Variants in ZNF728 observed in about 807,000 individuals in gnomAD.
ZNF728 encodes the protein zinc finger protein 728.
A neutral mutation model predicts 12.5 loss-of-function variants in ZNF728; 12 were observed. The ratio of observed to expected loss-of-function variants is 0.96; its 90% CI spans 0.61 to 1.55. ZNF728 has a LOEUF of 1.55. Ranked by LOEUF, ZNF728 falls within the 40% of genes most tolerant of loss-of-function variation. The pLI is 0.00. For missense variants in ZNF728, 692 were observed against 719.2 expected (o/e 0.96, Z 0.43); for synonymous variants, 205 against 240.7 (o/e 0.85, Z 1.37).
intron 3 of ZNF728, chr19:22,985,630 G>A (rs1968908320): frequency 6.6e-6 from 1 of 152,144 alleles, no homozygotes; most frequent in Non-Finnish European, 1.5e-5. Context: ...ACCCAACTTG[G>A]TCCCACTGAA....
chr19:23,000,053 T>C (rs1267443695), intron 1 of ZNF728, among the ~76,000 whole-genome samples: 2 of 152,120 alleles, frequency 1.3e-5, no homozygotes, highest in Non-Finnish European at 2.9e-5. Flanking sequence ...GGAATTCTGT[T>C]TGAAATCATT....
intron 3 of ZNF728, among the ~76,000 whole-genome samples, chr19:22,981,471 T>C (rs1299886040): frequency 6.6e-6 from 1 of 152,240 alleles, no homozygotes; most frequent in Non-Finnish European, 1.5e-5. Flanking sequence ...CTGATCCTAT[T>C]CTTTCTGAAA....
In ZNF728 at chr19:22,975,664, T is replaced by C. The variant is rs1319774644; in HGVS notation, c.1673A>G (p.His558Arg). 2.5e-6 allele frequency: 4 copies of C among 1,612,162 alleles called. No individual in the cohort carries two copies. Among genetic ancestry groups the C allele is most frequent in the African/African-American group, 1.3e-5 (1 of 75,044 alleles). The change falls in exon 4 of 4, where the codon CAT (histidine) becomes CGT (arginine). Residue 558 changes from histidine (H) to arginine (R), a missense_variant. His to Arg is a conservative substitution (Grantham distance 29). Around this residue, in one of 3 missense-constraint regions of ZNF728, gnomAD observed 244 missense variants for 235.2 expected, o/e 1.04. Coordinates refer to ENST00000594710, the MANE Select transcript of ZNF728 (RefSeq NM_001267716.2). ...ACATTTGTAGGGTTTCTCTCCAGTA[T>C]GAATTCTCTTATGTTCACTAAGTCT... is the stretch of plus-strand genomic sequence containing the variant. ...SSRLSEHKRI[H>R]TGEKPYKCEE...
chr19:22,986,239 GCTT>G (rs1968915577), intron 3 of ZNF728, among the ~76,000 whole-genome samples: 1 of 152,074 alleles, frequency 6.6e-6, no homozygotes, highest in African/African-American at 2.4e-5. Context: ...CATTGTCAAT[GCTT>G]CTATTTTAAC....
Position 22,987,358 on chromosome 19 carries a change from C to T in ZNF728, c.176G>A (p.Gly59Glu). ...TCTCTTCATATTCCAGGGCTCTTTT[C>T]CTTGCTCCAGAAAAATGATCAGGTC... ...KPDLIIFLEQ[G>E]KEPWNMKRHE... Residue 59 changes from glycine (G) to glutamate (E), a missense_variant, in exon 3 of 4, where the codon GGA becomes GAA. Physicochemically the swap from Gly to Glu is moderately conservative, Grantham distance 98 (BLOSUM62 -2). This residue lies in a region of ZNF728 where 440 missense variants were observed against 459.6 expected (regional missense o/e 0.96). Transcript: ENST00000594710. 6.2e-7 allele frequency: 1 copy of T among 1,612,286 alleles called. No individual in the cohort carries two copies. The highest frequency in any genetic ancestry group is 8.5e-7 in the Non-Finnish European group (1 of 1,179,192).
intron 1 of ZNF728, among the ~76,000 whole-genome samples, chr19:22,989,298 C>T (rs898355336): frequency 6.6e-6 from 1 of 151,534 alleles, no homozygotes; most frequent in Admixed American, 6.6e-5. Context: ...ATGGTTTTGG[C>T]CCAAAAAGAC....
intron 1 of ZNF728, among the ~76,000 whole-genome samples, chr19:22,997,632 G>A (rs542583057): frequency 2.6e-4 from 39 of 151,276 alleles, no homozygotes; most frequent in Non-Finnish European, 4.6e-4. Flanking sequence ...CCCTAAGCTA[G>A]CAAAGGCAAG....
intron 3 of ZNF728, among the ~76,000 whole-genome samples, chr19:22,978,140 A>G (rs1183505036): frequency 6.6e-6 from 1 of 152,036 alleles, no homozygotes; most frequent in Non-Finnish European, 1.5e-5. Context: ...TTTATAACAA[A>G]AACATATTTA....
intron 1 of ZNF728, among the ~76,000 whole-genome samples, chr19:22,998,317 T>G (rs1344612908): frequency 6.6e-6 from 1 of 150,724 alleles, no homozygotes; most frequent in African/African-American, 2.5e-5. Context: ...CTCAGGAGTT[T>G]GAGACCGGCA....
intron 1 of ZNF728, among the ~76,000 whole-genome samples, chr19:23,001,176 T>C (rs1321557008): frequency 6.6e-6 from 1 of 152,226 alleles, no homozygotes; most frequent in Non-Finnish European, 1.5e-5. Context: ...TTTACCATTT[T>C]TATTTCACTA....
At chr19:22,983,911 G>A (rs138841160) in intron 3 of ZNF728, among the ~76,000 whole-genome samples, 182 of 152,148 alleles carry the variant, frequency 1.2e-3, no homozygotes, top group African/African-American at 4.1e-3. Context: ...TGTAGATAAC[G>A]GGTTGATGGG....
intron 3 of ZNF728, among the ~76,000 whole-genome samples, chr19:22,984,518 C>T (rs966065185): frequency 1.4e-5 from 2 of 145,768 alleles, no homozygotes; most frequent in African/African-American, 2.6e-5. Flanking sequence ...AAGATTGTGC[C>T]GCTACACTCC....
At chr19:22,984,495 G>A (rs567790032) in intron 3 of ZNF728, among the ~76,000 whole-genome samples, 2 of 149,144 alleles carry the variant, frequency 1.3e-5, no homozygotes, top group East Asian at 4.0e-4. Flanking sequence ...GGAGGCAGAG[G>A]TTGCAGTGAG....
At chr19:22,984,929 G>C (rs1443834313) in intron 3 of ZNF728, among the ~76,000 whole-genome samples, 1 of 151,938 alleles carries the variant, frequency 6.6e-6, no homozygotes, top group Non-Finnish European at 1.5e-5. Flanking sequence ...CTGGTATAAG[G>C]ATGAAAAATT....
At chr19:22,998,423 G>T (rs1969072226) in intron 1 of ZNF728, among the ~76,000 whole-genome samples, 1 of 151,974 alleles carries the variant, frequency 6.6e-6, no homozygotes, top group African/African-American at 2.4e-5. Flanking sequence ...TTAGCTACTT[G>T]GGAAGCTTAA....
chr19:22,975,680 C>A lies in ZNF728; in HGVS notation c.1657G>T (p.Glu553Ter). Residue 553 changes from glutamate (E) to a stop codon, truncating the protein, a stop_gained, in exon 4 of 4, where the codon GAA becomes TAA. Coordinates refer to ENST00000594710, the MANE Select transcript of ZNF728 (RefSeq NM_001267716.2). LOFTEE classifies it low-confidence loss of function (END_TRUNC). The part of the protein sequence containing the change: ...KAFIWSSRLS[E>*]HKRIHTGEKP... ...TCTCCAGTATGAATTCTCTTATGTTCACTAAGTCTTGAGGACCAGATGAAG... is the reference window on the plus strand; with the variant it reads ...TCTCCAGTATGAATTCTCTTATGTTAACTAAGTCTTGAGGACCAGATGAAG... 1 of 1,599,892 alleles carries A rather than the reference C, an allele frequency of 6.3e-7. No homozygotes were observed. Among genetic ancestry groups the A allele is most frequent in the Non-Finnish European group, 8.5e-7 (1 of 1,174,404 alleles).
chr19:22,976,354 A>C lies in ZNF728; in HGVS notation c.983T>G (p.Met328Arg). The C allele has an allele frequency of 6.2e-7, 1 of 1,608,862 alleles. No individual in the cohort carries two copies. The highest frequency in any genetic ancestry group is 8.5e-7 in the Non-Finnish European group (1 of 1,178,774). ...TCCAGTATGAATTCTCTTATGTTCC[A>C]TAAGGTTTGAGGACCGGTTGAAAGC... ...GKAFNRSSNL[M>R]EHKRIHTGEK... The change falls in exon 4 of 4, where the codon ATG becomes AGG. Residue 328 changes from methionine to arginine, a missense_variant. Physicochemically the swap from Met to Arg is moderately conservative, Grantham distance 91. Around this residue, in one of 3 missense-constraint regions of ZNF728, gnomAD observed 440 missense variants for 459.6 expected, o/e 0.96. Transcript: ENST00000594710.
chr19:23,003,118 G>A lies in ZNF728; in HGVS notation c.-88C>T. On this transcript the variant is annotated 5_prime_UTR_variant, in exon 1 of 4. Coordinates refer to ENST00000594710, the MANE Select transcript of ZNF728 (RefSeq NM_001267716.2). ...GGCCATAGAAGCTGGGCCTTTAGGA[G>A]CGGACGACACACAGCAGTAAGGACG... 6.8e-7 allele frequency: 1 copy of A among 1,466,536 alleles called. No individual in the cohort carries two copies. The highest frequency in any genetic ancestry group is 9.2e-7 in the Non-Finnish European group (1 of 1,089,264). The allele number at this position is 1,466,536 out of a possible 1,614,324, so 90.8% of individuals were successfully genotyped here.
rs768508972 is a variant in ZNF728, at chr19:22,976,594, A to G, written c.743T>C (p.Val248Ala). 15 of 1,609,156 alleles carry G rather than the reference A, an allele frequency of 9.3e-6. No homozygotes were observed. Among genetic ancestry groups the G allele is most frequent in the Non-Finnish European group, 1.2e-5 (14 of 1,178,146 alleles). The stretch of plus-strand genomic sequence containing the variant: ...GTAATGTTTCTCTCCAGTATGAATT[A>G]CCTTATGCTTAGTAAGGATTGAGAA... Reference protein sequence around the residue: ...SKFSILTKHKVIHTGEKHYKC... With the variant: ...SKFSILTKHKAIHTGEKHYKC... The change falls in exon 4 of 4, where the codon GTA becomes GCA. Residue 248 changes from valine to alanine, a missense_variant. This residue lies in a region of ZNF728 where 440 missense variants were observed against 459.6 expected (regional missense o/e 0.96). Transcript: ENST00000594710.
Sources: allele counts gnomAD v4.1 joint callset (sites outside exome capture counted in the v4.1 genomes callset), GRCh38; gene constraint gnomAD v4.1.1; regional missense constraint gnomAD v4.1.1; transcripts MANE v1.5; gene names NCBI Gene and HGNC (gene_info 2026-07-23, HGNC 2026-07-21).